BLOC1S3: variants seen among roughly 807,000 people sequenced by gnomAD.
BLOC1S3 encodes the protein biogenesis of lysosomal organelles complex 1 subunit 3.
A neutral mutation model predicts 9.1 loss-of-function variants in BLOC1S3; 7 were observed. That is an observed-to-expected ratio of 0.77 (90% CI 0.44 to 1.45). The LOEUF is 1.45. Among genes scored for constraint, BLOC1S3 ranks in the 40% most tolerant of loss-of-function variants. The pLI is 0.01. For synonymous variants in BLOC1S3, 145 were observed against 158.4 expected (o/e 0.92, Z 0.64); for missense variants, 307 against 315.2 (o/e 0.97, Z 0.20).
chr19:45,206,450 GTTTTT>G lies in BLOC1S3; in HGVS notation n.282+3962_282+3966del, dbSNP rs1054281226. 6.8e-3 allele frequency among the ~76,000 whole-genome samples: 374 copies of G among 55,154 alleles called. 21 individuals carry two copies. The highest frequency in any genetic ancestry group is 0.033 in the African/African-American group (348 of 10,628). 36.2% of individuals were successfully genotyped at this position (55,154 alleles called of 152,430 possible). A position where few individuals can be genotyped will look rare whatever the true frequency, so the allele number is the denominator to read the frequency against. ...TTCCACCTTCTTTTGGATTAATCAA[GTTTTT>G]TTTTTTTTTTTTTTTTTTGAGCAAG... On this transcript the variant is annotated intron_variant and non_coding_transcript_variant, in intron 3 of 3. Transcript: ENST00000591569.
intron 2 of BLOC1S3, among the ~76,000 whole-genome samples, chr19:45,190,470 G>T (rs1028953892): frequency 4.0e-5 from 6 of 151,594 alleles, no homozygotes; most frequent in African/African-American, 1.5e-4. Context: ...CACAGTCTTG[G>T]CTTACTGCAA....
rs976942512 is a variant in BLOC1S3 at position 45,180,906 on chromosome 19, T to C, written c.*1001T>C. The C allele has an allele frequency of 1.2e-5, 2 of 161,360 alleles. No individual in the cohort carries two copies. The highest frequency in any genetic ancestry group is 2.9e-5 in the Non-Finnish European group (2 of 68,172). 10.0% of individuals were successfully genotyped at this position (161,360 alleles called of 1,614,324 possible). ...CACGCCTGGCTACTTTTTATATTTT[T>C]AGTAGAGATGAGGTTTCACCTTGTT... On this transcript the variant is annotated 3_prime_UTR_variant, in exon 2 of 2. Transcript: ENST00000433642.
chr19:45,196,434 G>A (rs1401067855), intron 2 of BLOC1S3, among the ~76,000 whole-genome samples: 1 of 152,076 alleles, frequency 6.6e-6, no homozygotes, highest in East Asian at 1.9e-4. Flanking sequence ...GGAGGTCTGA[G>A]GTCAGGGTAG....
intron 3 of BLOC1S3, among the ~76,000 whole-genome samples, chr19:45,209,570 T>C (rs34436177): frequency 0.25 from 37,845 of 151,850 alleles, 5,431 homozygotes; most frequent in African/African-American, 0.39. Context: ...TACAGGCGCC[T>C]GCCACTACGC....
chr19:45,216,189 G>A (rs1203727103), intron 3 of BLOC1S3: 13 of 1,613,708 alleles, frequency 8.1e-6, no homozygotes, highest in Non-Finnish European at 1.1e-5. Context: ...ACGAGGCCTG[G>A]GACTCCTGCA....
At chr19:45,182,563 C>G (rs529474003), downstream of BLOC1S3, among the ~76,000 whole-genome samples, 21 of 152,224 alleles carry the variant, frequency 1.4e-4, 1 homozygote, top group South Asian at 1.2e-3. Context: ...ACTCGGGAGG[C>G]TGAGGCAGGA....
exon 2 of BLOC1S3, chr19:45,187,723 C>T (rs1056745738): frequency 3.9e-5 from 6 of 152,126 alleles, no homozygotes; most frequent in African/African-American, 1.4e-4. Flanking sequence ...TGTTGGAAAA[C>T]TCGCGTAATA....
At position 45,180,212 on chromosome 19, in the gene BLOC1S3, G is replaced by A. The variant is rs189672488; in HGVS notation, c.*307G>A. On this transcript the variant is annotated 3_prime_UTR_variant, in exon 2 of 2. Transcript: ENST00000433642. ...TTGTTACATAGTTGCTCCTTAATCT[G>A]TTTCCACCCTGGGGGCTCACCAATT... 7.5e-6 allele frequency: 2 copies of A among 267,510 alleles called. No individual in the cohort carries two copies. The highest frequency in any genetic ancestry group is 1.4e-5 in the Non-Finnish European group (2 of 140,730). The allele number at this position is 267,510 out of a possible 1,614,324, so 16.6% of individuals were successfully genotyped here. A position where few individuals can be genotyped will look rare whatever the true frequency, so the allele number is the denominator to read the frequency against.
At chr19:45,201,236 G>A (rs1027363159) in intron 2 of BLOC1S3, among the ~76,000 whole-genome samples, 11 of 150,772 alleles carry the variant, frequency 7.3e-5, no homozygotes, top group Non-Finnish European at 1.5e-5. Context: ...TAGAGGTACT[G>A]CCTCAGTGGT....
At chr19:45,182,749 C>T (rs1320369104), downstream of BLOC1S3, among the ~76,000 whole-genome samples, 1 of 152,112 alleles carries the variant, frequency 6.6e-6, no homozygotes, top group Non-Finnish European at 1.5e-5. Context: ...AACTTCTGAG[C>T]TCAAGGGATT....
rs1031957059 is a variant in BLOC1S3 at position 45,212,926 on chromosome 19, T to C, written n.283-3750T>C. ...TTGTTTCCCTTCTGTACAGGGAGTT[T>C]GGGGTTGGGTGAAAAGACATCTAAG... On this transcript the variant is annotated intron_variant and non_coding_transcript_variant, in intron 3 of 3. Transcript: ENST00000591569. 1.5e-5 allele frequency: 14 copies of C among 939,090 alleles called. No homozygotes were observed. The East Asian group carries it at 3.5e-4, about 23-fold the overall frequency. 58.2% of individuals were successfully genotyped at this position (939,090 alleles called of 1,614,324 possible). A position where few individuals can be genotyped will look rare whatever the true frequency, so the allele number is the denominator to read the frequency against.
At chr19:45,196,569 G>C (rs1969649885) in intron 2 of BLOC1S3, among the ~76,000 whole-genome samples, 1 of 152,028 alleles carries the variant, frequency 6.6e-6, no homozygotes, top group African/African-American at 2.4e-5. Context: ...AGGAGGCAGG[G>C]GTCTTTGGGT....
At chr19:45,199,309 C>CTTTTTTTTT (rs34967306) in intron 2 of BLOC1S3, among the ~76,000 whole-genome samples, 10 of 72,502 alleles carry the variant, frequency 1.4e-4, no homozygotes, top group Non-Finnish European at 1.7e-4. Context: ...GTGCCTTATT[C>CTTTTTTTTT]TTTTTTTTTT....
At chr19:45,214,763 C>A (rs1477967110) in intron 3 of BLOC1S3, among the ~76,000 whole-genome samples, 1 of 152,056 alleles carries the variant, frequency 6.6e-6, no homozygotes, top group Non-Finnish European at 1.5e-5. Flanking sequence ...CCATGCCCGG[C>A]CGATCTGGTG....
chr19:45,184,048 CCTCA>C (rs1214754111), downstream of BLOC1S3, among the ~76,000 whole-genome samples: 6 of 152,096 alleles, frequency 3.9e-5, no homozygotes, highest in Non-Finnish European at 7.3e-5. Flanking sequence ...ACAGAGCTTC[CCTCA>C]CTCCTTAAAC....
chr19:45,207,674 T>C (rs1599756657), intron 3 of BLOC1S3, among the ~76,000 whole-genome samples: 3 of 148,768 alleles, frequency 2.0e-5, no homozygotes, highest in South Asian at 4.3e-4. Context: ...GAGGTGGAGG[T>C]TGCAGAGAGC....
intron 3 of BLOC1S3, among the ~76,000 whole-genome samples, chr19:45,205,969 G>T (rs774055287): frequency 9.2e-5 from 14 of 152,118 alleles, no homozygotes; most frequent in Admixed American, 9.2e-4. Flanking sequence ...AGTGGTTATC[G>T]TGGAGAAAAG....
At chr19:45,197,861 G>A (rs892564440) in intron 2 of BLOC1S3, among the ~76,000 whole-genome samples, 1 of 150,078 alleles carries the variant, frequency 6.7e-6, no homozygotes, top group Admixed American at 6.7e-5. Flanking sequence ...ATCTAGAAAG[G>A]AGAGTTAGGG....
intron 3 of BLOC1S3, among the ~76,000 whole-genome samples, chr19:45,214,849 G>A (rs1969816791): frequency 6.6e-6 from 1 of 152,024 alleles, no homozygotes; most frequent in African/African-American, 2.4e-5. Context: ...TATTTCAATA[G>A]CTTTAATTAT....
Sources: allele counts gnomAD v4.1 joint callset (sites outside exome capture counted in the v4.1 genomes callset), GRCh38; gene constraint gnomAD v4.1.1; transcripts MANE v1.5; gene names NCBI Gene and HGNC (gene_info 2026-07-23, HGNC 2026-07-21).